Variants in NPL observed in about 807,000 individuals in gnomAD.
NPL encodes N-acetylneuraminate lyase.
NPL carries 32 observed loss-of-function variants against 41.1 expected under a neutral mutation model. The observed-to-expected ratio is 0.78, with a 90% CI of 0.59 to 1.05. The LOEUF (loss-of-function observed/expected upper bound fraction) is 1.05. NPL is among the 50% of genes least tolerant of loss of function. The pLI is 0.00. For missense variants in NPL, 321 were observed against 378.4 expected (o/e 0.85, Z 1.26); for synonymous variants, 128 against 134.9 (o/e 0.95, Z 0.35).
Position 182,829,578 on chromosome 1 carries a change from T to G in NPL, c.*670T>G. 6.5e-7 allele frequency: 1 copy of G among 1,542,610 alleles called. No individual in the cohort carries two copies. Among genetic ancestry groups the G allele is most frequent in the South Asian group, 1.2e-5 (1 of 83,728 alleles). On this transcript the variant is annotated 3_prime_UTR_variant, in exon 13 of 13. Coordinates refer to ENST00000367553, the MANE Select transcript of NPL (RefSeq NM_030769.3). ...AAAAAGTCTTCCCCAAAGATGAATTTAAGTCTCCACTTTTTTCTATACAGA... is the reference window on the plus strand; with the variant it reads ...AAAAAGTCTTCCCCAAAGATGAATTGAAGTCTCCACTTTTTTCTATACAGA...
intron 1 of NPL, among the ~76,000 whole-genome samples, chr1:182,790,707 T>G (rs1436691637): frequency 6.6e-6 from 1 of 152,146 alleles, no homozygotes; most frequent in Non-Finnish European, 1.5e-5. Context: ...GCAGTGGCGC[T>G]ATCTCGGCTC....
intron 3 of NPL, among the ~76,000 whole-genome samples, chr1:182,794,852 GT>G (rs1366155517): frequency 6.6e-6 from 1 of 152,154 alleles, no homozygotes; most frequent in Non-Finnish European, 1.5e-5. Flanking sequence ...GTCTCTGGAC[GT>G]CAGCATGATT....
At chr1:182,816,581 G>A in intron 7 of NPL, 133 bp from the exon 8 acceptor site, 1 of 699,798 alleles carries the variant, frequency 1.4e-6, no homozygotes, top group Admixed American at 2.0e-5. Flanking sequence ...CAGTAGCAGG[G>A]ATAGTAAAAG....
intron 3 of NPL, among the ~76,000 whole-genome samples, chr1:182,801,845 CA>C (rs1008453721): frequency 6.6e-6 from 1 of 151,942 alleles, no homozygotes; most frequent in East Asian, 1.9e-4. Flanking sequence ...TCCAAAAAAA[CA>C]AAAAAATGTT....
chr1:182,806,599 T>C (rs1667017505), intron 5 of NPL: 1 of 1,499,296 alleles, frequency 6.7e-7, no homozygotes, highest in Non-Finnish European at 8.9e-7. Flanking sequence ...CTCACACCCC[T>C]TCCCTTCTTG....
chr1:182,802,680 T>C (rs1431832869), intron 3 of NPL, among the ~76,000 whole-genome samples: 3 of 152,220 alleles, frequency 2.0e-5, no homozygotes, highest in Non-Finnish European at 4.4e-5. Flanking sequence ...ATTTCACTCT[T>C]CATTGCCCAT....
chr1:182,805,914 G>C (rs180893662), intron 4 of NPL, among the ~76,000 whole-genome samples: 2 of 152,296 alleles, frequency 1.3e-5, no homozygotes, highest in East Asian at 3.9e-4. Context: ...TTTCCTGACT[G>C]TCCCTAATAT....
intron 11 of NPL, among the ~76,000 whole-genome samples, chr1:182,823,427 A>T (rs1667542527): frequency 6.6e-6 from 1 of 152,208 alleles, no homozygotes; most frequent in African/African-American, 2.4e-5. Flanking sequence ...AGCCATCATA[A>T]ATCTACTTCC....
chr1:182,794,550 C>A, intron 3 of NPL, 111 bp downstream of exon 3: 1 of 1,062,550 alleles, frequency 9.4e-7, no homozygotes, highest in Non-Finnish European at 1.5e-6. Context: ...GAACTGTTGC[C>A]AAAAGGCAGC....
At chr1:182,790,939 G>C (rs755532734) in intron 1 of NPL, among the ~76,000 whole-genome samples, 4 of 152,144 alleles carry the variant, frequency 2.6e-5, no homozygotes, top group Admixed American at 6.5e-5. Context: ...CACCGCGCCC[G>C]GCCAAAGTCG....
At chr1:182,804,096 C>T (rs1162372001) in intron 4 of NPL, among the ~76,000 whole-genome samples, 1 of 152,168 alleles carries the variant, frequency 6.6e-6, no homozygotes. Flanking sequence ...CAACCAAACC[C>T]TCTTAAGTAA....
intron 1 of NPL, among the ~76,000 whole-genome samples, chr1:182,791,994 CAA>C (rs768054085): frequency 2.6e-5 from 4 of 152,116 alleles, no homozygotes; most frequent in Non-Finnish European, 4.4e-5. Context: ...CCTAAATAGA[CAA>C]GAGTAGTGAG....
intron 10 of NPL, among the ~76,000 whole-genome samples, chr1:182,820,133 G>A (rs1343311548): frequency 2.0e-5 from 3 of 152,212 alleles, no homozygotes; most frequent in African/African-American, 7.2e-5. Flanking sequence ...GGCATCTCGG[G>A]ACATCATTAG....
intron 11 of NPL, among the ~76,000 whole-genome samples, chr1:182,822,512 A>G (rs933800101): frequency 1.3e-5 from 2 of 152,210 alleles, no homozygotes; most frequent in South Asian, 2.1e-4. Context: ...TTCTGGGAAA[A>G]TGACCACAGG....
At chr1:182,814,959 G>T (rs1667282332) in intron 7 of NPL, 101 bp downstream of exon 7, 1 of 965,404 alleles carries the variant, frequency 1.0e-6, no homozygotes, top group Admixed American at 2.0e-5. Flanking sequence ...AAGCACTATA[G>T]ATTGGAGGCT....
chr1:182,829,579 A>G lies in NPL; in HGVS notation c.*671A>G, dbSNP rs926438838. 2 of 1,542,148 alleles carry G rather than the reference A, an allele frequency of 1.3e-6. No homozygotes were observed. The highest frequency in any genetic ancestry group is 1.8e-6 in the Non-Finnish European group (2 of 1,139,620). Reference sequence around the variant, plus strand: ...AAAAGTCTTCCCCAAAGATGAATTTAAGTCTCCACTTTTTTCTATACAGAA... The same window carrying G: ...AAAAGTCTTCCCCAAAGATGAATTTGAGTCTCCACTTTTTTCTATACAGAA... On this transcript the variant is annotated 3_prime_UTR_variant, in exon 13 of 13. Transcript: ENST00000367553.
intron 3 of NPL, among the ~76,000 whole-genome samples, chr1:182,795,565 A>T (rs774806089): frequency 2.0e-5 from 3 of 152,208 alleles, no homozygotes; most frequent in Non-Finnish European, 4.4e-5. Flanking sequence ...GCCATTTTGC[A>T]GTTCTACCTT....
intron 3 of NPL, among the ~76,000 whole-genome samples, chr1:182,799,363 C>T (rs571224086): frequency 1.6e-4 from 24 of 152,116 alleles, no homozygotes; most frequent in Admixed American, 3.9e-4. Flanking sequence ...GTTGTTTAGC[C>T]GGTATAGTAA....
intron 10 of NPL, among the ~76,000 whole-genome samples, chr1:182,820,248 A>G (rs779561044): frequency 2.0e-5 from 3 of 152,258 alleles, no homozygotes; most frequent in Non-Finnish European, 4.4e-5. Context: ...TCCACTGCAC[A>G]TGTTAACCTG....
Sources: gnomAD v4.1 joint callset for allele counts (sites outside exome capture counted in the v4.1 genomes callset) on GRCh38, gnomAD v4.1.1 for gene constraint, MANE v1.5 for transcripts, NCBI Gene and HGNC (gene_info 2026-07-23, HGNC 2026-07-21) for gene names.